CLEC16A: variants seen among roughly 807,000 people sequenced by gnomAD.
The protein encoded by CLEC16A is C-type lectin domain containing 16A.
In CLEC16A, 51 loss-of-function variants were observed where a neutral mutation model predicts 109.5. The observed-to-expected ratio is 0.47, with a 90% confidence interval of 0.37 to 0.59. The LOEUF is 0.59. Ranked by LOEUF, CLEC16A falls within the 20% of genes least tolerant of loss-of-function variation. The probability of loss-of-function intolerance (pLI) is 0.00; values close to 1 mark genes in which losing one functional copy is unlikely to be tolerated. For missense variants in CLEC16A, 1,339 were observed against 1,394.0 expected, an observed-to-expected ratio of 0.96 and a Z score of 0.63; for synonymous variants, 673 against 564.2, an observed-to-expected ratio of 1.19 and a Z score of -2.73.
intron 13 of CLEC16A, among the ~76,000 whole-genome samples, chr16:11,034,983 C>T (rs1360747932): frequency 6.6e-6 from 1 of 152,118 alleles, no homozygotes; most frequent in Admixed American, 6.6e-5. Flanking sequence ...TTACCTTTCA[C>T]ATGCATGCCC....
intron 19 of CLEC16A, among the ~76,000 whole-genome samples, chr16:11,081,338 G>A (rs912529809): frequency 1.3e-5 from 2 of 152,140 alleles, no homozygotes; most frequent in African/African-American, 2.4e-5. Flanking sequence ...CCCATCTCTA[G>A]GGTGCCCCTG....
At position 11,142,499 on chromosome 16, in the gene CLEC16A, TCTC is replaced by T. The variant is rs1188032221; in HGVS notation, c.2641+16356_2641+16358del. Reference sequence around the variant, plus strand: ...TAGGTGTGATGTGTCAACAGCTTTTTCTCCTGCTTTTCACAGCCCCGGCTGGCT... The same window carrying T: ...TAGGTGTGATGTGTCAACAGCTTTTTCTGCTTTTCACAGCCCCGGCTGGCT... On this transcript the variant is annotated intron_variant, in intron 22 of 23. Coordinates refer to ENST00000409790, the MANE Select transcript of CLEC16A (RefSeq NM_015226.3). Among the ~76,000 whole-genome samples, 7 of 152,360 alleles carry T rather than the reference TCTC, an allele frequency of 4.6e-5. No homozygotes were observed. In the East Asian group the frequency reaches 1.3e-3, roughly 29 times the overall value.
intron 1 of CLEC16A, among the ~76,000 whole-genome samples, chr16:10,947,456 C>T (rs1424111917): frequency 2.6e-5 from 4 of 152,190 alleles, no homozygotes; most frequent in African/African-American, 9.7e-5. Flanking sequence ...TGGGAGCTTT[C>T]TGGAGGAGAC....
intron 14 of CLEC16A, 110 bp downstream of exon 14, chr16:11,039,986 C>T: frequency 7.7e-7 from 1 of 1,303,482 alleles, no homozygotes. Context: ...AGAATCCGGG[C>T]CCATCCCAAC....
At chr16:10,973,939 T>C (rs1326657729) in intron 7 of CLEC16A, among the ~76,000 whole-genome samples, 1 of 127,172 alleles carries the variant, frequency 7.9e-6, no homozygotes, top group African/African-American at 3.0e-5. Flanking sequence ...TTGCTCTGTC[T>C]CCCAGGCTGG....
intron 22 of CLEC16A, among the ~76,000 whole-genome samples, chr16:11,147,082 T>C (rs1220011620): frequency 6.6e-6 from 1 of 151,492 alleles, no homozygotes; most frequent in Non-Finnish European, 1.5e-5. Context: ...CCGAGAACCT[T>C]GTGTCCCAGA....
intron 22 of CLEC16A, among the ~76,000 whole-genome samples, chr16:11,151,928 G>A (rs780941689): frequency 1.2e-4 from 18 of 152,174 alleles, no homozygotes; most frequent in Non-Finnish European, 2.5e-4. Flanking sequence ...TGAGGAACCC[G>A]GGAAGTGAGA....
chr16:11,170,794 C>T (rs1567417115), intron 23 of CLEC16A, among the ~76,000 whole-genome samples: 1 of 152,204 alleles, frequency 6.6e-6, no homozygotes, highest in Non-Finnish European at 1.5e-5. Context: ...TGCAGGCAGG[C>T]GGGGTGGCTG....
chr16:11,123,138 G>A (rs575797744), intron 20 of CLEC16A, among the ~76,000 whole-genome samples: 5 of 151,912 alleles, frequency 3.3e-5, no homozygotes, highest in Non-Finnish European at 7.4e-5. Context: ...TCCTGACCTC[G>A]TGTTCCACCC....
chr16:11,118,295 G>T (rs974507258), intron 19 of CLEC16A, among the ~76,000 whole-genome samples: 1 of 152,148 alleles, frequency 6.6e-6, no homozygotes, highest in Non-Finnish European at 1.5e-5. Flanking sequence ...AGCATATGCA[G>T]AGGACTCCTA....
intron 22 of CLEC16A, among the ~76,000 whole-genome samples, chr16:11,131,642 A>T (rs2053213752): frequency 1.3e-5 from 2 of 152,122 alleles, no homozygotes; most frequent in Admixed American, 6.5e-5. Context: ...ACCTGTTCCC[A>T]CCTGGTTTAC....
At chr16:11,128,639 G>A (rs1224582519) in intron 22 of CLEC16A, among the ~76,000 whole-genome samples, 1 of 152,196 alleles carries the variant, frequency 6.6e-6, no homozygotes, top group Non-Finnish European at 1.5e-5. Context: ...CTTGGCACCA[G>A]AGCTGTGTCC....
chr16:11,130,449 C>G (rs566630469), intron 22 of CLEC16A, among the ~76,000 whole-genome samples: 2 of 152,294 alleles, frequency 1.3e-5, no homozygotes, highest in African/African-American at 4.8e-5. Context: ...TGTCACCAAG[C>G]GAGCAAGATG....
At chr16:11,101,628 C>T (rs1298033525) in intron 19 of CLEC16A, among the ~76,000 whole-genome samples, 2 of 152,188 alleles carry the variant, frequency 1.3e-5, no homozygotes, top group East Asian at 1.9e-4. Flanking sequence ...GAGCACATAC[C>T]GTGTGCCTGG....
chr16:11,042,985 ATATG>A (rs1279336908), intron 15 of CLEC16A, among the ~76,000 whole-genome samples: 2 of 151,522 alleles, frequency 1.3e-5, no homozygotes, highest in African/African-American at 4.8e-5. Flanking sequence ...TAATATGTAA[ATATG>A]TACATGTGAA....
intron 19 of CLEC16A, among the ~76,000 whole-genome samples, chr16:11,080,950 G>T (rs1319327290): frequency 6.6e-6 from 1 of 152,236 alleles, no homozygotes; most frequent in African/African-American, 2.4e-5. Context: ...CAGGGATTAG[G>T]TCGTGGGCAT....
chr16:11,003,014 T>C (rs2044760306), intron 10 of CLEC16A, 60 bp from the exon 11 acceptor site: 11 of 1,393,444 alleles, frequency 7.9e-6, no homozygotes, highest in Non-Finnish European at 1.1e-5. Context: ...GGCAACTTGA[T>C]AGCATCCAGC....
At chr16:10,964,204 T>A (rs1185243660) in intron 3 of CLEC16A, among the ~76,000 whole-genome samples, 1 of 152,334 alleles carries the variant, frequency 6.6e-6, no homozygotes, top group East Asian at 1.9e-4. Flanking sequence ...CGCTAGGTGG[T>A]GCTGCTGCCT....
intron 10 of CLEC16A, among the ~76,000 whole-genome samples, chr16:10,989,844 G>A (rs954989670): frequency 3.9e-4 from 60 of 152,290 alleles, no homozygotes; most frequent in African/African-American, 1.3e-3. Context: ...AGCATTAATC[G>A]TTGACTTAGC....
Sources: allele counts gnomAD v4.1 joint callset (sites outside exome capture counted in the v4.1 genomes callset), GRCh38; gene constraint gnomAD v4.1.1; transcripts MANE v1.5; gene names NCBI Gene and HGNC (gene_info 2026-07-23, HGNC 2026-07-21).